Variants in ZNF431 observed in about 807,000 individuals in gnomAD.
The protein encoded by ZNF431 is zinc finger protein 431.
In ZNF431, 34 loss-of-function variants were observed where a neutral mutation model predicts 57.0. The observed-to-expected ratio is 0.60, with a 90% confidence interval of 0.45 to 0.79. ZNF431 has a LOEUF of 0.79. ZNF431 is among the 30% of genes least tolerant of loss of function. The pLI is 0.00. For missense variants in ZNF431, 607 were observed against 667.1 expected (o/e 0.91, Z 0.99); for synonymous variants, 207 against 220.3 (o/e 0.94, Z 0.54).
chr19:21,156,349 TC>T (rs1417301709), intron 2 of ZNF431, among the ~76,000 whole-genome samples: 1 of 151,196 alleles, frequency 6.6e-6, no homozygotes, highest in African/African-American at 2.4e-5. Flanking sequence ...ATTGCACTCT[TC>T]CCCACGCATG....
rs965577625 is a variant in ZNF431, at chr19:21,186,370, T to G, written c.*2336T>G. On this transcript the variant is annotated 3_prime_UTR_variant, in exon 5 of 5. Coordinates refer to ENST00000311048, the MANE Select transcript of ZNF431 (RefSeq NM_133473.4). Reference sequence around the variant, plus strand: ...CTGCAAACATATACAGACTTTTAGTTTTGATTCATATAGAGTTAAATACAT... The same window carrying G: ...CTGCAAACATATACAGACTTTTAGTGTTGATTCATATAGAGTTAAATACAT... 1.3e-5 allele frequency: 2 copies of G among 152,196 alleles called. No homozygotes were observed. Among genetic ancestry groups the G allele is most frequent in the Non-Finnish European group, 2.9e-5 (2 of 68,034 alleles). 9.4% of individuals were successfully genotyped at this position (152,196 alleles called of 1,614,324 possible). A position where few individuals can be genotyped will look rare whatever the true frequency, so the allele number is the denominator to read the frequency against.
chr19:21,160,978 G>A (rs895692238), intron 2 of ZNF431, among the ~76,000 whole-genome samples: 7 of 152,030 alleles, frequency 4.6e-5, no homozygotes, highest in Non-Finnish European at 8.8e-5. Flanking sequence ...GACTATCCTG[G>A]CCAACATGGT....
intron 4 of ZNF431, among the ~76,000 whole-genome samples, chr19:21,177,685 G>A (rs1437158803): frequency 2.0e-5 from 3 of 152,126 alleles, no homozygotes; most frequent in Non-Finnish European, 4.4e-5. Flanking sequence ...CTACTTGGGA[G>A]GCTGAGGCAG....
In ZNF431 at chr19:21,190,826, T is replaced by A. The variant is rs1971495543; in HGVS notation, c.*6792T>A. The A allele has an allele frequency of 6.6e-6, 1 of 152,042 alleles. No individual in the cohort carries two copies. The highest frequency in any genetic ancestry group is 2.1e-4 in the South Asian group (1 of 4,828). The allele number at this position is 152,042 out of a possible 1,614,324, so 9.4% of individuals were successfully genotyped here. ...ACAGGCAAATGCCACTGCGCCCAGC[T>A]AATTTTGTATTTTTAGTAGAGACGG... On this transcript the variant is annotated 3_prime_UTR_variant, in exon 5 of 5. Transcript: ENST00000311048.
Position 21,190,936 on chromosome 19 carries a change from A to T in ZNF431, c.*6902A>T, listed in dbSNP as rs1424399189. The stretch of plus-strand genomic sequence containing the variant: ...CTCCCAAAGTGCTGAGATTACAGGC[A>T]TGAGCCACCGCGTCCGGCCTATTAT... On this transcript the variant is annotated 3_prime_UTR_variant, in exon 5 of 5. Coordinates refer to ENST00000311048, the MANE Select transcript of ZNF431 (RefSeq NM_133473.4). 1 of 151,988 alleles carries T rather than the reference A, an allele frequency of 6.6e-6. No individual in the cohort carries two copies. Among genetic ancestry groups the T allele is most frequent in the Admixed American group, 6.6e-5 (1 of 15,252 alleles). 9.4% of individuals were successfully genotyped at this position (151,988 alleles called of 1,614,324 possible). A position where few individuals can be genotyped will look rare whatever the true frequency, so the allele number is the denominator to read the frequency against.
rs552546304 is a variant in ZNF431 at position 21,168,611 on chromosome 19, C to T, written c.319+945C>T. On this transcript the variant is annotated intron_variant, in intron 4 of 4. Coordinates refer to ENST00000311048, the MANE Select transcript of ZNF431 (RefSeq NM_133473.4). Reference sequence around the variant, plus strand: ...TCAAACTCCTGACCTTGTGATCTGCCCACCTCGGCCTCCCAAAGTGCTGGG... The same window carrying T: ...TCAAACTCCTGACCTTGTGATCTGCTCACCTCGGCCTCCCAAAGTGCTGGG... 1.4e-4 allele frequency among the ~76,000 whole-genome samples: 22 copies of T among 152,236 alleles called. 1 individual carries two copies. Among genetic ancestry groups the T allele is most frequent in the Non-Finnish European group, 2.9e-4 (20 of 68,028 alleles).
Position 21,166,241 on chromosome 19 carries a change from T to A in ZNF431, c.97-94T>A, listed in dbSNP as rs1054965375. 4 of 1,516,404 alleles carry A rather than the reference T, an allele frequency of 2.6e-6. No homozygotes were observed. The South Asian group carries it at 5.1e-5, about 20-fold the overall frequency. 93.9% of individuals were successfully genotyped at this position (1,516,404 alleles called of 1,614,324 possible). On this transcript the variant is annotated intron_variant, in intron 2 of 4. Transcript: ENST00000311048. ...TATTCTTATAAGTCAGAATCAGTTC[T>A]CTTTACTCTCTCAATTCACCTTAAT...
intron 3 of ZNF431, among the ~76,000 whole-genome samples, chr19:21,166,732 A>G (rs1272426271): frequency 1.3e-5 from 2 of 152,204 alleles, no homozygotes; most frequent in Non-Finnish European, 2.9e-5. Flanking sequence ...ATCACTGCCC[A>G]TATCTTAAAA....
chr19:21,167,717 T>TAAA, intron 4 of ZNF431, 51 bp downstream of exon 4: 6 of 1,095,120 alleles, frequency 5.5e-6, no homozygotes, highest in Non-Finnish European at 6.2e-6. Context: ...GTCCAAAGCT[T>TAAA]AAAAAAAAAA....
chr19:21,175,827 G>A (rs1271792537), intron 4 of ZNF431, among the ~76,000 whole-genome samples: 1 of 152,190 alleles, frequency 6.6e-6, no homozygotes, highest in East Asian at 1.9e-4. Context: ...GTCTGTCATA[G>A]ATGGGCATTT....
intron 4 of ZNF431, among the ~76,000 whole-genome samples, chr19:21,170,655 T>TC (rs1555709617): frequency 6.6e-6 from 1 of 150,676 alleles, no homozygotes; most frequent in African/African-American, 2.5e-5. Flanking sequence ...TCTTTTCTTT[T>TC]CTTTTTTTTT....
chr19:21,163,566 G>A (rs1259301696), intron 2 of ZNF431, among the ~76,000 whole-genome samples: 2 of 152,186 alleles, frequency 1.3e-5, no homozygotes, highest in African/African-American at 4.8e-5. Flanking sequence ...CTGTCACCCA[G>A]GCTGAAGTGT....
At chr19:21,148,860 G>A (rs1056525307) in intron 2 of ZNF431, among the ~76,000 whole-genome samples, 7 of 152,182 alleles carry the variant, frequency 4.6e-5, no homozygotes, top group Non-Finnish European at 8.8e-5. Flanking sequence ...GTTAGGGGGT[G>A]TGGCTAACTT....
rs1457502526 is a variant in ZNF431, at chr19:21,189,283, G to T, written c.*5249G>T. The stretch of plus-strand genomic sequence containing the variant: ...GCAGATCACATGAGGTCAGGAGTTC[G>T]GGACCAGCCTGGCGACCATGGGGAA... On this transcript the variant is annotated 3_prime_UTR_variant, in exon 5 of 5. Coordinates refer to ENST00000311048, the MANE Select transcript of ZNF431 (RefSeq NM_133473.4). 1 of 152,018 alleles carries T rather than the reference G, an allele frequency of 6.6e-6. No individual in the cohort carries two copies. The highest frequency in any genetic ancestry group is 1.5e-5 in the Non-Finnish European group (1 of 67,998). The allele number at this position is 152,018 out of a possible 1,614,324, so 9.4% of individuals were successfully genotyped here.
chr19:21,150,800 A>T (rs964626169), intron 2 of ZNF431, among the ~76,000 whole-genome samples: 12 of 152,178 alleles, frequency 7.9e-5, no homozygotes, highest in African/African-American at 2.9e-4. Flanking sequence ...ATTACATGCC[A>T]AGTTTCTTTT....
chr19:21,149,808 CT>C, intron 2 of ZNF431: 1 of 649,974 alleles, frequency 1.5e-6, no homozygotes, highest in Non-Finnish European at 2.9e-6. Flanking sequence ...GCCAAAGCAC[CT>C]TTGTCTTCTG....
At chr19:21,162,527 A>G (rs1309416258) in intron 2 of ZNF431, among the ~76,000 whole-genome samples, 2 of 152,016 alleles carry the variant, frequency 1.3e-5, no homozygotes, top group African/African-American at 4.8e-5. Flanking sequence ...GCTGGTCTTG[A>G]ACTCCTGACC....
intron 2 of ZNF431, among the ~76,000 whole-genome samples, chr19:21,161,816 G>C (rs1385415513): frequency 6.6e-6 from 1 of 151,726 alleles, no homozygotes; most frequent in African/African-American, 2.4e-5. Context: ...ACCATGCCTG[G>C]CTAATTTTTG....
intron 2 of ZNF431, among the ~76,000 whole-genome samples, chr19:21,156,739 G>A (rs1970428480): frequency 6.7e-6 from 1 of 149,202 alleles, no homozygotes; most frequent in Non-Finnish European, 1.5e-5. Flanking sequence ...TGATGTTTAT[G>A]TACCGTACTT....
Sources: gnomAD v4.1 joint callset for allele counts (sites outside exome capture counted in the v4.1 genomes callset) on GRCh38, gnomAD v4.1.1 for gene constraint, MANE v1.5 for transcripts, NCBI Gene and HGNC (gene_info 2026-07-23, HGNC 2026-07-21) for gene names.